JAKMIP3: variants seen among roughly 807,000 people sequenced by gnomAD.
JAKMIP3 encodes the protein Janus kinase and microtubule interacting protein 3, also known as janus kinase and microtubule-interacting protein 3.
A neutral mutation model predicts 118.5 loss-of-function variants in JAKMIP3; 58 were observed. The ratio of observed to expected loss-of-function variants is 0.49; its 90% CI spans 0.40 to 0.61. The LOEUF (loss-of-function observed/expected upper bound fraction) is 0.61. Ranked by LOEUF, JAKMIP3 falls within the 20% of genes least tolerant of loss-of-function variation. The pLI is 0.00. For missense variants in JAKMIP3, 950 were observed against 1,109.0 expected, an observed-to-expected ratio of 0.86 and a Z score of 2.04; for synonymous variants, 486 against 451.2, an observed-to-expected ratio of 1.08 and a Z score of -0.98.
At chr10:132,105,871 G>A (rs1325759739) in intron 2 of JAKMIP3, among the ~76,000 whole-genome samples, 5 of 132,390 alleles carry the variant, frequency 3.8e-5, no homozygotes, top group Admixed American at 7.2e-5. Context: ...CCCATCAAAG[G>A]CATCTCTCTT....
intron 19 of JAKMIP3, among the ~76,000 whole-genome samples, chr10:132,156,632 G>T (rs2057126306): frequency 6.6e-6 from 1 of 152,194 alleles, no homozygotes; most frequent in South Asian, 2.1e-4. Context: ...CCCCAGTGAG[G>T]TGGCCCTGAC....
chr10:132,100,043 T>C (rs1028081587), intron 1 of JAKMIP3, among the ~76,000 whole-genome samples: 2 of 152,188 alleles, frequency 1.3e-5, no homozygotes, highest in African/African-American at 2.4e-5. Context: ...GTAGGGGGTG[T>C]CTGCTCTGAG....
intron 19 of JAKMIP3, among the ~76,000 whole-genome samples, chr10:132,158,301 G>A (rs1268447741): frequency 1.3e-5 from 2 of 152,198 alleles, no homozygotes; most frequent in Non-Finnish European, 2.9e-5. Context: ...AGCATAGAGA[G>A]CTCCAGGAGT....
Position 132,159,136 on chromosome 10 carries a change from G to A in JAKMIP3, c.2221-4073G>A, listed in dbSNP as rs556349375. 2.1e-3 allele frequency among the ~76,000 whole-genome samples: 226 copies of A among 105,958 alleles called. 4 individuals carry two copies. The highest frequency in any genetic ancestry group is 6.7e-3 in the African/African-American group (208 of 31,210). The allele number at this position is 105,958 out of a possible 152,430, so 69.5% of individuals were successfully genotyped here. A position where few individuals can be genotyped will look rare whatever the true frequency, so the allele number is the denominator to read the frequency against. On this transcript the variant is annotated intron_variant, in intron 19 of 23. Coordinates refer to ENST00000684848, the MANE Select transcript of JAKMIP3 (RefSeq NM_001323087.2). ...TCTCTCCCCGTGTGATTCTGGGGGCGTCTCTCCTTGTGTGATGTTGTGGGG... is the reference window on the plus strand; with the variant it reads ...TCTCTCCCCGTGTGATTCTGGGGGCATCTCTCCTTGTGTGATGTTGTGGGG...
intron 2 of JAKMIP3, among the ~76,000 whole-genome samples, chr10:132,113,220 A>C (rs1284770146): frequency 6.6e-6 from 1 of 152,246 alleles, no homozygotes; most frequent in Non-Finnish European, 1.5e-5. Context: ...TTATTTAAGG[A>C]CATGCAAATC....
At chr10:132,036,985 C>T (rs752453209) in intron 1 of JAKMIP3, among the ~76,000 whole-genome samples, 3 of 151,878 alleles carry the variant, frequency 2.0e-5, no homozygotes, top group Admixed American at 1.3e-4. Context: ...TCGGCGCTGG[C>T]GTGACGCGGC....
At chr10:132,088,743 TC>T (rs2042734830) in intron 1 of JAKMIP3, among the ~76,000 whole-genome samples, 1 of 152,172 alleles carries the variant, frequency 6.6e-6, no homozygotes, top group Non-Finnish European at 1.5e-5. Context: ...TGGCTTTTGT[TC>T]CCATTGCTTT....
chr10:132,131,884 C>T (rs184665043), intron 3 of JAKMIP3, among the ~76,000 whole-genome samples: 2 of 152,114 alleles, frequency 1.3e-5, no homozygotes, highest in Non-Finnish European at 2.9e-5. Context: ...GGGTGGGGTG[C>T]GGCGCCTGCA....
At chr10:132,159,577 C>G (rs1443170621) in intron 19 of JAKMIP3, among the ~76,000 whole-genome samples, 3 of 90,514 alleles carry the variant, frequency 3.3e-5, no homozygotes, top group East Asian at 3.5e-4. Flanking sequence ...GGCGTGTCTC[C>G]CTGTGTGATG....
chr10:132,121,698 C>T (rs1044307581), intron 3 of JAKMIP3, among the ~76,000 whole-genome samples: 3 of 152,160 alleles, frequency 2.0e-5, no homozygotes, highest in African/African-American at 7.2e-5. Context: ...GGGGATAGAG[C>T]ACTGTGGACG....
intron 3 of JAKMIP3, among the ~76,000 whole-genome samples, chr10:132,121,675 GA>G (rs1331691216): frequency 6.6e-6 from 1 of 152,226 alleles, no homozygotes; most frequent in Non-Finnish European, 1.5e-5. Flanking sequence ...TGAGTCTGGG[GA>G]CGGGCAGGCC....
chr10:132,167,248 G>A (rs959720764), intron 22 of JAKMIP3, among the ~76,000 whole-genome samples, 193 bp downstream of exon 22: 3 of 152,184 alleles, frequency 2.0e-5, no homozygotes, highest in Non-Finnish European at 4.4e-5. Context: ...TGGGGGTCAG[G>A]ACCCGGAGTC....
At chr10:132,051,967 C>T (rs2038117856) in intron 1 of JAKMIP3, among the ~76,000 whole-genome samples, 1 of 152,202 alleles carries the variant, frequency 6.6e-6, no homozygotes, top group East Asian at 1.9e-4. Context: ...TGGTGGCTCA[C>T]ACCCAGTACT....
At chr10:132,116,913 A>G (rs887680380) in intron 2 of JAKMIP3, among the ~76,000 whole-genome samples, 164 bp from the exon 3 acceptor site, 10 of 145,186 alleles carry the variant, frequency 6.9e-5, no homozygotes, top group Middle Eastern at 3.4e-3. Flanking sequence ...AAGCTCCCCC[A>G]AATGCACATT....
chr10:132,058,943 T>C lies in JAKMIP3; in HGVS notation c.-138+22205T>C, dbSNP rs149760743. 3.4e-3 allele frequency among the ~76,000 whole-genome samples: 521 copies of C among 152,338 alleles called. 6 individuals are homozygous for C. Among genetic ancestry groups the C allele is most frequent in the African/African-American group, 0.012 (504 of 41,586 alleles). Reference sequence around the variant, plus strand: ...CTCCTTGGTCATCCTTCGCATCGCGTCGCGCCCACGTGAGCCTGGCTGCCT... The same window carrying C: ...CTCCTTGGTCATCCTTCGCATCGCGCCGCGCCCACGTGAGCCTGGCTGCCT... On this transcript the variant is annotated intron_variant, in intron 1 of 23. Transcript: ENST00000657785.
chr10:132,180,766 T>TGCGTGTGTGC lies in JAKMIP3; in HGVS notation c.*1104-1590_*1104-1589insCGTGTGTGCG, dbSNP rs1385788352. Among the ~76,000 whole-genome samples the TGCGTGTGTGC allele has an allele frequency of 1.7e-4, 5 of 30,300 alleles. 2 individuals carry two copies. Among genetic ancestry groups the TGCGTGTGTGC allele is most frequent in the African/African-American group, 6.3e-4 (5 of 7,960 alleles). 19.9% of individuals were successfully genotyped at this position (30,300 alleles called of 152,430 possible). On this transcript the variant is annotated intron_variant, in intron 23 of 23. Coordinates refer to ENST00000684848, the MANE Select transcript of JAKMIP3 (RefSeq NM_001323087.2). ...GCGTGCGCGCGCGTGTGTGCGTGTG[T>TGCGTGTGTGC]GTGCGTGTGTGTGTGTGCGCGTATG... is the stretch of plus-strand genomic sequence containing the variant.
At chr10:132,131,494 G>T (rs1181348668) in intron 3 of JAKMIP3, among the ~76,000 whole-genome samples, 1 of 151,780 alleles carries the variant, frequency 6.6e-6, no homozygotes, top group Non-Finnish European at 1.5e-5. Flanking sequence ...GGAGCTCTGG[G>T]GCACCCGGGG....
intron 2 of JAKMIP3, among the ~76,000 whole-genome samples, chr10:132,114,623 G>A (rs2047351398): frequency 6.6e-6 from 1 of 152,150 alleles, no homozygotes. Context: ...GAATCCATTT[G>A]GAGATTTGCA....
intron 20 of JAKMIP3, 71 bp downstream of exon 20, chr10:132,163,483 TC>T: frequency 7.2e-7 from 1 of 1,393,898 alleles, no homozygotes; most frequent in Non-Finnish European, 9.7e-7. Flanking sequence ...GGGGGGGTCC[TC>T]CCACGGCCAC....
Sources: gnomAD v4.1 joint callset for allele counts (sites outside exome capture counted in the v4.1 genomes callset) on GRCh38, gnomAD v4.1.1 for gene constraint, MANE v1.5 for transcripts, NCBI Gene and HGNC (gene_info 2026-07-23, HGNC 2026-07-21) for gene names.